VWDE: variants seen among roughly 807,000 people sequenced by gnomAD.
VWDE encodes von Willebrand factor D and EGF domains.
Under a neutral mutation model 178.4 loss-of-function variants are expected in VWDE, and 207 were observed. The observed-to-expected ratio is 1.16, with a 90% CI of 1.04 to 1.30. The LOEUF is 1.30. Ranked by LOEUF, VWDE falls within the 50% of genes most tolerant of loss-of-function variation. The pLI, the probability that VWDE is intolerant of heterozygous loss-of-function variation, is 0.00. For missense variants in VWDE, 2,287 were observed against 1,901.3 expected (o/e 1.20, Z -3.77); for synonymous variants, 738 against 651.4 (o/e 1.13, Z -2.02).
intron 27 of VWDE, 194 bp from the exon 28 acceptor site, chr7:12,333,762 G>T: frequency 5.2e-6 from 2 of 387,992 alleles, no homozygotes; most frequent in Non-Finnish European, 4.6e-6. Context: ...CAAAAACAAA[G>T]CACCCAAAAT....
At chr7:12,355,339 C>G (rs923756776) in intron 18 of VWDE, among the ~76,000 whole-genome samples, 2 of 151,642 alleles carry the variant, frequency 1.3e-5, no homozygotes, top group African/African-American at 4.8e-5. Flanking sequence ...TGGCGTGAAC[C>G]CAGGAGGCGG....
In VWDE at chr7:12,336,227, A is replaced by G. The variant is rs1249419157; in HGVS notation, c.4568T>C (p.Leu1523Ser). Residue 1523 changes from leucine to serine, a missense_variant, in exon 27 of 29, where the codon TTG (leucine) becomes TCG (serine). Leu to Ser is a moderately radical substitution (Grantham distance 145). Transcript: ENST00000275358. ...TTCACCACCGTTTTTACATTTCTGC[A>G]AGCAGATAGCTGCCAATCGAAATAT... ...SGKRCNTPIC[L>S]QKCKNGGECI... is the part of the protein sequence containing the mutation. 1 of 1,551,144 alleles carries G rather than the reference A, an allele frequency of 6.4e-7. No individual in the cohort carries two copies. Among genetic ancestry groups the G allele is most frequent in the East Asian group, 2.4e-5 (1 of 40,834 alleles).
intron 18 of VWDE, among the ~76,000 whole-genome samples, chr7:12,353,408 A>G (rs1782052568): frequency 2.0e-5 from 1 of 50,522 alleles, no homozygotes; most frequent in South Asian, 6.6e-4. Flanking sequence ...TAGGGCTTCA[A>G]CATATAAATT....
At chr7:12,381,031 T>A (rs914349380) in intron 4 of VWDE, among the ~76,000 whole-genome samples, 5 of 152,194 alleles carry the variant, frequency 3.3e-5, no homozygotes, top group Non-Finnish European at 5.9e-5. Context: ...GAAGCACTTA[T>A]CTTTTCTAAA....
At chr7:12,396,174 T>C (rs943809529) in intron 1 of VWDE, among the ~76,000 whole-genome samples, 3 of 152,168 alleles carry the variant, frequency 2.0e-5, no homozygotes, top group Non-Finnish European at 4.4e-5. Context: ...CCTTTTTTTA[T>C]TTCTATATAT....
chr7:12,353,420 T>TGG (rs56938645), intron 18 of VWDE, among the ~76,000 whole-genome samples: 1 of 151,772 alleles, frequency 6.6e-6, no homozygotes, highest in East Asian at 1.9e-4. Flanking sequence ...ATATAAATTT[T>TGG]GGGGGGACGC....
intron 10 of VWDE, among the ~76,000 whole-genome samples, chr7:12,371,675 T>G (rs190015994): frequency 6.6e-6 from 1 of 152,150 alleles, no homozygotes; most frequent in Non-Finnish European, 1.5e-5. Context: ...CAAACCAACT[T>G]AAGGTAGCTA....
chr7:12,392,642 T>C (rs1036746530), intron 2 of VWDE, among the ~76,000 whole-genome samples: 43 of 152,162 alleles, frequency 2.8e-4, no homozygotes, highest in African/African-American at 9.9e-4. Context: ...TCACACTTTA[T>C]GTTTTTTCTT....
chr7:12,336,495 G>A (rs934290376), intron 26 of VWDE, among the ~76,000 whole-genome samples: 2 of 152,084 alleles, frequency 1.3e-5, no homozygotes, highest in Admixed American at 1.3e-4. Flanking sequence ...GGACATCTAT[G>A]TTGCTTCTCA....
At chr7:12,333,020 A>G (rs1393757002) in intron 28 of VWDE, among the ~76,000 whole-genome samples, 1 of 152,198 alleles carries the variant, frequency 6.6e-6, no homozygotes, top group African/African-American at 2.4e-5. Context: ...CCTTGTGTGT[A>G]TAGGAATTAG....
chr7:12,382,120 C>T (rs533071004), intron 4 of VWDE, among the ~76,000 whole-genome samples: 17 of 151,720 alleles, frequency 1.1e-4, no homozygotes, highest in African/African-American at 4.1e-4. Flanking sequence ...GCTTTATTGA[C>T]TTTTGACTCA....
In VWDE at chr7:12,361,162, G is replaced by A. The variant is rs1349391313; in HGVS notation, c.3144C>T (p.Asp1048=). 1.3e-6 allele frequency: 2 copies of A among 1,534,830 alleles called. No individual in the cohort carries two copies. The highest frequency in any genetic ancestry group is 1.8e-6 in the Non-Finnish European group (2 of 1,133,328). The change falls in exon 15 of 29, where the codon GAC becomes GAT. Residue 1048 remains aspartate (D), a synonymous_variant. Coordinates refer to ENST00000275358, the MANE Select transcript of VWDE (RefSeq NM_001135924.3). ...ACQVCGLYKN[D]SCTIKENVCI... The stretch of plus-strand genomic sequence containing the variant: ...AAATACATACCTTTATAGTACATGA[G>A]TCATTTTTATAGAGACCACAAACTT...
chr7:12,390,188 A>T lies in VWDE; in HGVS notation c.244-830T>A, dbSNP rs544645568. On this transcript the variant is annotated intron_variant, in intron 2 of 28. Transcript: ENST00000275358. Reference sequence around the variant, plus strand: ...TCAAAAAAAAAAAAAAGAAAGAAAGAAAGTTTAAACCTCACTTGAAGTCAT... The same window carrying T: ...TCAAAAAAAAAAAAAAGAAAGAAAGTAAGTTTAAACCTCACTTGAAGTCAT... Among the ~76,000 whole-genome samples, 16 of 151,992 alleles carry T rather than the reference A, an allele frequency of 1.1e-4. No homozygotes were observed. In the South Asian group the frequency reaches 3.3e-3, roughly 32 times the overall value.
At chr7:12,355,627 T>C (rs1233277114) in intron 18 of VWDE, among the ~76,000 whole-genome samples, 1 of 152,178 alleles carries the variant, frequency 6.6e-6, no homozygotes, top group Non-Finnish European at 1.5e-5. Flanking sequence ...GTCATATATT[T>C]ATTTCCGTAA....
chr7:12,373,802 TG>T (rs147581075), intron 9 of VWDE, among the ~76,000 whole-genome samples: 2,379 of 152,264 alleles, frequency 0.016, 53 homozygotes, highest in African/African-American at 0.054. Context: ...TTAATCTTGT[TG>T]AATTGTCAGA....
intron 17 of VWDE, among the ~76,000 whole-genome samples, chr7:12,356,780 G>C (rs917187493): frequency 3.9e-5 from 6 of 152,106 alleles, no homozygotes; most frequent in African/African-American, 1.4e-4. Context: ...AATGAGCAAA[G>C]GACATATAAA....
intron 15 of VWDE, among the ~76,000 whole-genome samples, chr7:12,360,454 C>T (rs1361077968): frequency 6.6e-6 from 1 of 151,962 alleles, no homozygotes; most frequent in African/African-American, 2.4e-5. Context: ...TCTCTCAAAA[C>T]CAGAGATTTG....
At position 12,389,132 on chromosome 7, in the gene VWDE, G is replaced by T. The variant is rs199964998; in HGVS notation, c.470C>A (p.Ala157Glu). 5.8e-6 allele frequency: 9 copies of T among 1,542,042 alleles called. No individual in the cohort carries two copies. Among genetic ancestry groups the T allele is most frequent in the Non-Finnish European group, 7.0e-6 (8 of 1,138,094 alleles). ...AATTACTGGTGTTTTCTTACCTTCC[G>T]CACAGTAGCCCATACATCCCTGAGT... The part of the protein sequence containing the change: ...QPTQGCMGYC[A>E]EAISDARLHP... Residue 157 changes from alanine (A) to glutamate (E), a missense_variant, in exon 3 of 29, where the codon GCG becomes GAG. Transcript: ENST00000275358.
At chr7:12,376,205 T>C (rs1028751445) in intron 7 of VWDE, among the ~76,000 whole-genome samples, 5 of 152,058 alleles carry the variant, frequency 3.3e-5, no homozygotes, top group African/African-American at 1.2e-4. Flanking sequence ...AGCTTAGATA[T>C]AGCCCATAAC....
Sources: gnomAD v4.1 joint callset for allele counts (sites outside exome capture counted in the v4.1 genomes callset) on GRCh38, gnomAD v4.1.1 for gene constraint, MANE v1.5 for transcripts, NCBI Gene and HGNC (gene_info 2026-07-23, HGNC 2026-07-21) for gene names.